MTAP: variants seen among roughly 807,000 people sequenced by gnomAD.
MTAP encodes the protein S-methyl-5'-thioadenosine phosphorylase.
MTAP carries 33 observed loss-of-function variants against 33.6 expected under a neutral mutation model. The ratio of observed to expected loss-of-function variants is 0.98; its 90% CI spans 0.74 to 1.31. The LOEUF is 1.31. Among genes scored for constraint, MTAP ranks in the 40% most tolerant of loss-of-function variants. MTAP has a pLI of 0.00. For missense variants in MTAP, 367 were observed against 360.0 expected (o/e 1.02, Z -0.16); for synonymous variants, 148 against 125.7 (o/e 1.18, Z -1.19).
intron 1 of MTAP, among the ~76,000 whole-genome samples, chr9:21,815,145 A>T (rs964632422): frequency 3.5e-4 from 54 of 152,208 alleles, no homozygotes; most frequent in African/African-American, 1.3e-3. Context: ...ATACCTCTCT[A>T]TGCTGACTTG....
At chr9:21,913,567 C>A (rs915049257) in intron 1 of MTAP, among the ~76,000 whole-genome samples, 11 of 152,298 alleles carry the variant, frequency 7.2e-5, no homozygotes, top group Middle Eastern at 3.4e-3. Flanking sequence ...GGAAAACTGG[C>A]TAGCCATATG....
intron 6 of MTAP, among the ~76,000 whole-genome samples, 169 bp downstream of exon 6, chr9:21,855,039 GGAAA>G (rs1825605675): frequency 6.6e-6 from 1 of 152,054 alleles, no homozygotes. Flanking sequence ...AAAGATCAAA[GGAAA>G]GAAAGAGACA....
chr9:21,818,501 T>C (rs768263861), intron 4 of MTAP, among the ~76,000 whole-genome samples: 27 of 152,046 alleles, frequency 1.8e-4, no homozygotes, highest in Middle Eastern at 3.4e-3. Flanking sequence ...CTAATTTTTG[T>C]ATTTTTAGTA....
At chr9:21,888,448 T>G (rs1052853644) in intron 1 of MTAP, among the ~76,000 whole-genome samples, 2 of 152,172 alleles carry the variant, frequency 1.3e-5, no homozygotes, top group African/African-American at 4.8e-5. Context: ...TGTGTTGTTG[T>G]CTATCTCATT....
At chr9:21,895,065 T>C (rs972681722) in intron 1 of MTAP, among the ~76,000 whole-genome samples, 2 of 152,130 alleles carry the variant, frequency 1.3e-5, no homozygotes, top group Admixed American at 6.5e-5. Context: ...TGCTCATAGA[T>C]AGGAAGCATC....
intron 1 of MTAP, among the ~76,000 whole-genome samples, chr9:21,889,512 A>G (rs1818165010): frequency 6.6e-6 from 1 of 151,944 alleles, no homozygotes. Flanking sequence ...TCATTTGGGT[A>G]GATTATGTCA....
intron 4 of MTAP, 116 bp downstream of exon 4, chr9:21,818,318 T>G: frequency 5.7e-5 from 2 of 35,072 alleles, no homozygotes; most frequent in Admixed American, 4.5e-4. Flanking sequence ...ACTCGCTTGC[T>G]TTTTTTTTTT....
chr9:21,830,172 A>G (rs1479761852), intron 4 of MTAP, among the ~76,000 whole-genome samples: 1 of 152,252 alleles, frequency 6.6e-6, no homozygotes, highest in Non-Finnish European at 1.5e-5. Context: ...AGCAACATAT[A>G]TCTTGGTCTA....
intron 1 of MTAP, among the ~76,000 whole-genome samples, chr9:21,808,076 C>T (rs1014851808): frequency 6.6e-6 from 1 of 152,192 alleles, no homozygotes; most frequent in African/African-American, 2.4e-5. Flanking sequence ...ATAGGCCCCA[C>T]CCCAGTCCCA....
chr9:21,820,411 A>G (rs1824603010), intron 4 of MTAP, among the ~76,000 whole-genome samples: 1 of 152,076 alleles, frequency 6.6e-6, no homozygotes, highest in Non-Finnish European at 1.5e-5. Context: ...TCCTTTCCCC[A>G]TTTCTTGTTT....
chr9:21,829,544 A>C (rs1824915602), intron 4 of MTAP, among the ~76,000 whole-genome samples: 1 of 150,052 alleles, frequency 6.7e-6, no homozygotes, highest in Non-Finnish European at 1.5e-5. Flanking sequence ...CCTTTTCCCT[A>C]CACTGCCCGT....
At chr9:21,919,192 A>G (rs1263299816) in intron 1 of MTAP, among the ~76,000 whole-genome samples, 5 of 152,212 alleles carry the variant, frequency 3.3e-5, no homozygotes, top group African/African-American at 1.2e-4. Flanking sequence ...AATTACAGAC[A>G]CTTGAAATTT....
At chr9:21,925,454 A>G (rs1460726070) in intron 1 of MTAP, among the ~76,000 whole-genome samples, 1 of 152,216 alleles carries the variant, frequency 6.6e-6, no homozygotes, top group African/African-American at 2.4e-5. Context: ...GAAAGAGGAA[A>G]GGGCTCAGGG....
chr9:21,802,722 C>A lies in MTAP; in HGVS notation c.-27C>A, dbSNP rs775269965. 1.2e-6 allele frequency: 2 copies of A among 1,611,912 alleles called. No individual in the cohort carries two copies. The highest frequency in any genetic ancestry group is 3.3e-5 in the Admixed American group (2 of 59,930). On this transcript the variant is annotated 5_prime_UTR_variant, in exon 1 of 8. Transcript: ENST00000644715. ...GTTCCCTTAGTCCCGAGCGCTCGCC[C>A]ACTGCAGATTCCTTTCCCGTGCAGA...
At chr9:21,873,021 A>G (rs752911155) in intron 1 of MTAP, among the ~76,000 whole-genome samples, 5 of 152,162 alleles carry the variant, frequency 3.3e-5, no homozygotes, top group Non-Finnish European at 5.9e-5. Context: ...CCTTGATGTT[A>G]CTAGAGCCCT....
intron 1 of MTAP, among the ~76,000 whole-genome samples, chr9:21,805,970 G>T (rs1449498410): frequency 1.3e-5 from 2 of 152,340 alleles, no homozygotes; most frequent in Admixed American, 6.5e-5. Flanking sequence ...AGTGAGCTCA[G>T]TGTGGTAGGA....
chr9:21,814,492 G>A (rs1223441955), intron 1 of MTAP, among the ~76,000 whole-genome samples: 4 of 152,108 alleles, frequency 2.6e-5, no homozygotes, highest in Non-Finnish European at 5.9e-5. Flanking sequence ...CTCTCTAGGA[G>A]GTACCAGCCC....
intron 1 of MTAP, among the ~76,000 whole-genome samples, chr9:21,809,620 CAG>C (rs1486136858): frequency 2.7e-5 from 4 of 147,208 alleles, no homozygotes; most frequent in African/African-American, 1.0e-4. Context: ...GCCTGGGCGA[CAG>C]AGTGAGACTC....
downstream of MTAP, among the ~76,000 whole-genome samples, chr9:21,867,702 C>CA (rs11397272): frequency 0.23 from 33,394 of 143,054 alleles, 4,009 homozygotes; most frequent in East Asian, 0.41. Flanking sequence ...AAATAAACTT[C>CA]AAAAAAAAAA....
Sources: allele counts gnomAD v4.1 joint callset (sites outside exome capture counted in the v4.1 genomes callset), GRCh38; gene constraint gnomAD v4.1.1; transcripts MANE v1.5; gene names NCBI Gene and HGNC (gene_info 2026-07-23, HGNC 2026-07-21).